Variants in USP19 observed in about 807,000 individuals in gnomAD.
The protein encoded by USP19 is ubiquitin carboxyl-terminal hydrolase 19.
USP19 carries 40 observed loss-of-function variants against 144.8 expected under a neutral mutation model. The observed-to-expected ratio is 0.28, with a 90% CI of 0.21 to 0.36. The LOEUF is 0.36. Ranked by LOEUF, USP19 falls within the 10% of genes least tolerant of loss-of-function variation. The pLI, the probability that USP19 is intolerant of heterozygous loss-of-function variation, is 1.00. For missense variants in USP19, 1,518 were observed against 1,822.5 expected, an observed-to-expected ratio of 0.83 and a Z score of 3.04; for synonymous variants, 701 against 709.3, an observed-to-expected ratio of 0.99 and a Z score of 0.19.
At position 49,117,596 on chromosome 3, in the gene USP19, G is replaced by A; in HGVS notation, c.473-26C>T. The A allele has an allele frequency of 1.2e-6, 2 of 1,614,108 alleles. No homozygotes were observed. The highest frequency in any genetic ancestry group is 1.1e-5 in the South Asian group (1 of 91,090). On this transcript the variant is annotated intron_variant, in intron 4 of 26. Transcript: ENST00000417901. The surrounding 1 kb of genome is among the most constrained non-coding windows in gnomAD (Gnocchi z 4.4). ...CTGGGGACAGAGCAGGGTCCATGAG[G>A]TAGGATAGGAGATATCAGAAGATTC...
In USP19 at chr3:49,118,217, A is replaced by T. The variant is rs2044514382; in HGVS notation, c.125-97T>A. The stretch of plus-strand genomic sequence containing the variant: ...GACTTTGAGGATGCAGTAAGCTACG[A>T]TCACACCTGCACTGCACTCCAATCT... On this transcript the variant is annotated intron_variant, in intron 2 of 26. Transcript: ENST00000417901. 4 of 581,152 alleles carry T rather than the reference A, an allele frequency of 6.9e-6. No homozygotes were observed. In the South Asian group the frequency reaches 8.1e-5, roughly 12 times the overall value. 36.0% of individuals were successfully genotyped at this position (581,152 alleles called of 1,614,324 possible).
At position 49,113,962 on chromosome 3, in the gene USP19, ATG is replaced by A. The variant is rs771845318; in HGVS notation, c.2505+28_2505+29del. ...GGTGAGTACACACACACATCCACAC[ATG>A]TGATAGCCCAAGGAAGGACAAAGAT... is the stretch of plus-strand genomic sequence containing the variant. On this transcript the variant is annotated intron_variant, in intron 17 of 26. Transcript: ENST00000417901. The A allele has an allele frequency of 5.4e-5, 86 of 1,598,476 alleles. No individual in the cohort carries two copies. The African/African-American group carries it at 9.4e-4, about 18-fold the overall frequency.
chr3:49,117,550 C>T lies in USP19; in HGVS notation c.493G>A (p.Val165Ile), dbSNP rs1208836225. 9 of 1,614,112 alleles carry T rather than the reference C, an allele frequency of 5.6e-6. No homozygotes were observed. The highest frequency in any genetic ancestry group is 5.9e-6 in the Non-Finnish European group (7 of 1,180,038). ...RFAGGQQWGG[V>I]FYAEIKSSCA... ...GAGCTTTTTATCTCAGCATAGAAGA[C>T]ACCACCCCACTGCTGACCACCTGGG... The change falls in exon 5 of 27, where the codon GTC becomes ATC. Residue 165 changes from valine to isoleucine, a missense_variant. By Grantham distance (29) the Val-to-Ile change is conservative. Coordinates refer to ENST00000417901, the MANE Select transcript of USP19 (RefSeq NM_001199161.2). This position sits in a 1 kb window ranked among gnomAD's most constrained non-coding sequence, Gnocchi z 4.4.
At chr3:49,119,857 T>C (rs978293365) in intron 1 of USP19, among the ~76,000 whole-genome samples, 11 of 152,068 alleles carry the variant, frequency 7.2e-5, no homozygotes, top group Admixed American at 2.6e-4. Flanking sequence ...TACTGCTTGG[T>C]CCTTCTTCAT....
intron 26 of USP19, among the ~76,000 whole-genome samples, chr3:49,109,492 G>A (rs1049601606): frequency 6.6e-6 from 1 of 152,148 alleles, no homozygotes; most frequent in Non-Finnish European, 1.5e-5. Flanking sequence ...AAAGGACACC[G>A]ATTCATAGAG....
At position 49,114,914 on chromosome 3, in the gene USP19, T is replaced by C. The variant is rs1365540442; in HGVS notation, c.2182-41A>G. On this transcript the variant is annotated intron_variant, in intron 14 of 26. Transcript: ENST00000417901. This position sits in a 1 kb window ranked among gnomAD's most constrained non-coding sequence, Gnocchi z 4.5. ...GTGAGAACCAAAGAGTACCAGGGGC[T>C]GGGATGCTCATGAGACATGCCCACC... The C allele has an allele frequency of 9.9e-6, 16 of 1,614,150 alleles. No homozygotes were observed. The highest frequency in any genetic ancestry group is 1.4e-5 in the Non-Finnish European group (16 of 1,180,014).
chr3:49,111,714 C>T lies in USP19; in HGVS notation c.3003G>A (p.Leu1001=). The T allele has an allele frequency of 1.3e-6, 2 of 1,588,462 alleles. No individual in the cohort carries two copies. Among genetic ancestry groups the T allele is most frequent in the Non-Finnish European group, 1.7e-6 (2 of 1,165,974 alleles). The change falls in exon 21 of 27, where the codon CTG becomes CTA. Residue 1001 remains leucine, a synonymous_variant. Transcript: ENST00000417901. This position sits in a 1 kb window ranked among gnomAD's most constrained non-coding sequence, Gnocchi z 5.9. ...GGTCTCTCTCGCTGTCCCCAGCCTC[C>T]AGGGAACCTGTGGAGAGCAGTGTGG... is the stretch of plus-strand genomic sequence containing the variant. ...GCTTLLSTGS[L]EAGDSERDPI...
At position 49,118,122 on chromosome 3, in the gene USP19, T is replaced by G. The variant is rs747416107; in HGVS notation, c.125-2A>C. ...GGGCAACATATCGAGACCCTGTCTCTAAAAAAAAAATAAGAAAAATTAGTC... is the reference window on the plus strand; with the variant it reads ...GGGCAACATATCGAGACCCTGTCTCGAAAAAAAAAATAAGAAAAATTAGTC... On this transcript the variant is annotated splice_acceptor_variant, in intron 2 of 26. Transcript: ENST00000417901. LOFTEE classifies it high-confidence loss of function. 6.0e-6 allele frequency: 6 copies of G among 1,004,520 alleles called. No individual in the cohort carries two copies. The Admixed American group carries it at 1.8e-4, about 30-fold the overall frequency. 62.2% of individuals were successfully genotyped at this position (1,004,520 alleles called of 1,614,324 possible).
chr3:49,119,331 TTAGC>T, intron 1 of USP19, 50 bp from the exon 2 acceptor site: 1 of 691,440 alleles, frequency 1.4e-6, no homozygotes, highest in Non-Finnish European at 2.3e-6. Context: ...AACTTGCTCT[TTAGC>T]TACACCCAGG....
chr3:49,112,005 G>A lies in USP19; in HGVS notation c.2809C>T (p.Arg937Ter). Residue 937 changes from arginine (R) to a stop codon, truncating the protein, a stop_gained, in exon 20 of 27, where the codon CGA (arginine) becomes TGA (stop). Transcript: ENST00000417901. LOFTEE classifies it high-confidence loss of function. This position sits in a 1 kb window ranked among gnomAD's most constrained non-coding sequence, Gnocchi z 4.9. ...AAGGGGTAGCCAATGTTCTCAGGTC[G>A]GCAGAGGCCCTTGTGGTCAGGCCAG... ...THWPDHKGLC[R>*]PENIGYPFLV... 2 of 1,614,074 alleles carry A rather than the reference G, an allele frequency of 1.2e-6. No homozygotes were observed. Among genetic ancestry groups the A allele is most frequent in the East Asian group, 2.2e-5 (1 of 44,880 alleles).
intron 17 of USP19, among the ~76,000 whole-genome samples, chr3:49,113,046 A>C (rs1490173919): frequency 6.6e-6 from 1 of 152,206 alleles, no homozygotes; most frequent in African/African-American, 2.4e-5. Context: ...ACTGGGATAA[A>C]AGGAGAGAGC....
rs1429740640 is a variant in USP19, at chr3:49,114,235, T to C, written c.2342A>G (p.Gln781Arg). The C allele has an allele frequency of 1.2e-6, 2 of 1,614,100 alleles. No homozygotes were observed. The highest frequency in any genetic ancestry group is 1.7e-6 in the Non-Finnish European group (2 of 1,180,048). The change falls in exon 16 of 27, where the codon CAA becomes CGA. Residue 781 changes from glutamine to arginine, a missense_variant. This residue lies in a region of USP19 where 413 missense variants were observed against 515.8 expected (regional missense o/e 0.80). Transcript: ENST00000417901. The surrounding 1 kb of genome is among the most constrained non-coding windows in gnomAD (Gnocchi z 4.5). The part of the protein sequence containing the change: ...PFLYLPVPLP[Q>R]KQKVLPVFYF... Reference sequence around the variant, plus strand: ...AAAGACAGGGAGAACCTTTTGCTTTTGTGGCAAGGGCACCGGCAGATAAAG... The same window carrying C: ...AAAGACAGGGAGAACCTTTTGCTTTCGTGGCAAGGGCACCGGCAGATAAAG...
In USP19 at chr3:49,112,061, G is replaced by A. The variant is rs1305443496; in HGVS notation, c.2766-13C>T. On this transcript the variant is annotated splice_polypyrimidine_tract_variant and intron_variant, in intron 19 of 26. Transcript: ENST00000417901. This position sits in a 1 kb window ranked among gnomAD's most constrained non-coding sequence, Gnocchi z 4.9. ...TTTCTGGCAGAGCCTGACGGGAAGAGGAAGACAAGGATAGGCCCTTAGCCC... is the reference window on the plus strand; with the variant it reads ...TTTCTGGCAGAGCCTGACGGGAAGAAGAAGACAAGGATAGGCCCTTAGCCC... 1.9e-6 allele frequency: 3 copies of A among 1,613,448 alleles called. No homozygotes were observed. Among genetic ancestry groups the A allele is most frequent in the African/African-American group, 2.7e-5 (2 of 74,932 alleles).
rs776594696 is a variant in USP19 at position 49,117,310 on chromosome 3, T to C, written c.658A>G (p.Asn220Asp). 1.6e-5 allele frequency: 25 copies of C among 1,584,538 alleles called. No individual in the cohort carries two copies. The highest frequency in any genetic ancestry group is 2.2e-5 in the Non-Finnish European group (25 of 1,162,712). The change falls in exon 6 of 27, where the codon AAT (asparagine) becomes GAT (aspartate). Residue 220 changes from asparagine (N) to aspartate (D), a missense_variant. Asn to Asp is a conservative substitution (Grantham distance 23, BLOSUM62 1). Around this residue, in one of 5 missense-constraint regions of USP19, gnomAD observed 707 missense variants for 728.9 expected, o/e 0.97. Transcript: ENST00000417901. The surrounding 1 kb of genome is among the most constrained non-coding windows in gnomAD (Gnocchi z 4.4). ...GCAATGGGAGACAGTTCCTGCCCATTCTCCTGGCACCGCAGCCCCGGCACC... is the reference window on the plus strand; with the variant it reads ...GCAATGGGAGACAGTTCCTGCCCATCCTCCTGGCACCGCAGCCCCGGCACC... Reference protein sequence around the residue: ...ELVPGLRCQENGQELSPIALE... With the variant: ...ELVPGLRCQEDGQELSPIALE...
In USP19 at chr3:49,111,022, G is replaced by A; in HGVS notation, c.3473C>T (p.Ala1158Val). 6.2e-7 allele frequency: 1 copy of A among 1,614,010 alleles called. No individual in the cohort carries two copies. Among genetic ancestry groups the A allele is most frequent in the Non-Finnish European group, 8.5e-7 (1 of 1,180,032 alleles). ...DPGSAGEAAR[A>V]GHFTLDQCLN... ...GCACTGGTCCAGGGTGAAGTGGCCG[G>A]CCCGGGCAGCCTCACCGGCAGAGCC... The change falls in exon 23 of 27, where the codon GCC becomes GTC. Residue 1158 changes from alanine (A) to valine (V), a missense_variant. Coordinates refer to ENST00000417901, the MANE Select transcript of USP19 (RefSeq NM_001199161.2). The surrounding 1 kb of genome is among the most constrained non-coding windows in gnomAD (Gnocchi z 5.9).
chr3:49,116,773 G>A lies in USP19; in HGVS notation c.1080C>T (p.Ala360=). 1 of 1,613,320 alleles carries A rather than the reference G, an allele frequency of 6.2e-7. No homozygotes were observed. Among genetic ancestry groups the A allele is most frequent in the Non-Finnish European group, 8.5e-7 (1 of 1,179,818 alleles). Residue 360 remains alanine (A), a synonymous_variant, in exon 7 of 27, where the codon GCC becomes GCT. Coordinates refer to ENST00000417901, the MANE Select transcript of USP19 (RefSeq NM_001199161.2). The surrounding 1 kb of genome is among the most constrained non-coding windows in gnomAD (Gnocchi z 5.0). ...CTGCTGCCACTGCCATCTCCTCCTTGGCACAGTCATCTTTCCCAGGGTTTC... is the reference window on the plus strand; with the variant it reads ...CTGCTGCCACTGCCATCTCCTCCTTAGCACAGTCATCTTTCCCAGGGTTTC... The part of the protein sequence containing the change: ...RSRNPGKDDC[A]KEEMAVAADA...
Position 49,116,214 on chromosome 3 carries a change from G to A in USP19, c.1356-52C>T, listed in dbSNP as rs1373825151. On this transcript the variant is annotated intron_variant, in intron 9 of 26. Coordinates refer to ENST00000417901, the MANE Select transcript of USP19 (RefSeq NM_001199161.2). This position sits in a 1 kb window ranked among gnomAD's most constrained non-coding sequence, Gnocchi z 5.0. Reference sequence around the variant, plus strand: ...CTTAGGAGGAATGAGCATCAGGATAGATGAGCCAGGGAGATGGAGCCCACG... The same window carrying A: ...CTTAGGAGGAATGAGCATCAGGATAAATGAGCCAGGGAGATGGAGCCCACG... 1.2e-6 allele frequency: 2 copies of A among 1,613,582 alleles called. No homozygotes were observed. Among genetic ancestry groups the A allele is most frequent in the African/African-American group, 1.3e-5 (1 of 74,916 alleles).
Position 49,116,188 on chromosome 3 carries a change from A to G in USP19, c.1356-26T>C, listed in dbSNP as rs541255074. 87 of 1,613,744 alleles carry G rather than the reference A, an allele frequency of 5.4e-5. No individual in the cohort carries two copies. The highest frequency in any genetic ancestry group is 7.0e-5 in the Non-Finnish European group (83 of 1,179,888). On this transcript the variant is annotated intron_variant, in intron 9 of 26. Coordinates refer to ENST00000417901, the MANE Select transcript of USP19 (RefSeq NM_001199161.2). This position sits in a 1 kb window ranked among gnomAD's most constrained non-coding sequence, Gnocchi z 5.0. ...CTGTGGGAAAAGGCTGAACTCAGGG[A>G]CTTAGGAGGAATGAGCATCAGGATA...
chr3:49,114,929 A>G lies in USP19; in HGVS notation c.2181+30T>C. 1 of 1,614,090 alleles carries G rather than the reference A, an allele frequency of 6.2e-7. No individual in the cohort carries two copies. On this transcript the variant is annotated intron_variant, in intron 14 of 26. Transcript: ENST00000417901. This position sits in a 1 kb window ranked among gnomAD's most constrained non-coding sequence, Gnocchi z 4.5. ...TACCAGGGGCTGGGATGCTCATGAGACATGCCCACCCTCTGTCCCTAACCC... is the reference window on the plus strand; with the variant it reads ...TACCAGGGGCTGGGATGCTCATGAGGCATGCCCACCCTCTGTCCCTAACCC...
Sources: gnomAD v4.1 joint callset for allele counts (sites outside exome capture counted in the v4.1 genomes callset) on GRCh38, gnomAD v4.1.1 for gene constraint, gnomAD v4.1.1 regional missense constraint, Gnocchi (gnomAD v3.1) non-coding constraint, MANE v1.5 for transcripts, NCBI Gene and HGNC (gene_info 2026-07-23, HGNC 2026-07-21) for gene names.